The following GRAMD1A variants were observed in gnomAD, a reference collection of about 807,000 sequenced individuals.
GRAMD1A encodes GRAM domain containing 1A.
GRAMD1A carries 50 observed loss-of-function variants against 92.0 expected under a neutral mutation model. The ratio of observed to expected loss-of-function variants is 0.54; its 90% CI spans 0.43 to 0.69. The LOEUF (loss-of-function observed/expected upper bound fraction) is 0.69, where lower values mean the gene tolerates loss of function less well. Ranked by LOEUF, GRAMD1A falls within the 30% of genes least tolerant of loss-of-function variation. The pLI, the probability that GRAMD1A is intolerant of heterozygous loss-of-function variation, is 0.00. For synonymous variants in GRAMD1A, 405 were observed against 403.6 expected (o/e 1.00, Z -0.04); for missense variants, 819 against 978.9 (o/e 0.84, Z 2.18).
Position 35,009,703 on chromosome 19 carries a change from G to C in GRAMD1A, c.241-185G>C, listed in dbSNP as rs75893960. ...GAATGAGTCAGTGATGCTGGTGGGT[G>C]CTTGGTACGGGGCCCGGCTTACATA... On this transcript the variant is annotated intron_variant, in intron 3 of 19. Transcript: ENST00000317991. The C allele has an allele frequency of 9.4e-4, 597 of 636,054 alleles. 11 individuals carry two copies. The African/African-American group carries it at 0.01, about 11-fold the overall frequency. 39.4% of individuals were successfully genotyped at this position (636,054 alleles called of 1,614,324 possible).
intron 19 of GRAMD1A, among the ~76,000 whole-genome samples, chr19:35,025,786 G>T (rs1051788250): frequency 2.0e-5 from 3 of 152,134 alleles, no homozygotes; most frequent in African/African-American, 7.2e-5. Flanking sequence ...CTTGCCTGAG[G>T]TTAACTGAGG....
At position 35,026,373 on chromosome 19, in the gene GRAMD1A, G is replaced by C. The variant is rs1479431389; in HGVS notation, c.*232G>C. The C allele has an allele frequency of 3.5e-6, 2 of 577,954 alleles. No individual in the cohort carries two copies. Among genetic ancestry groups the C allele is most frequent in the East Asian group, 2.8e-5 (1 of 35,486 alleles). The allele number at this position is 577,954 out of a possible 1,614,324, so 35.8% of individuals were successfully genotyped here. A position where few individuals can be genotyped will look rare whatever the true frequency, so the allele number is the denominator to read the frequency against. On this transcript the variant is annotated 3_prime_UTR_variant, in exon 20 of 20. Coordinates refer to ENST00000317991, the MANE Select transcript of GRAMD1A (RefSeq NM_020895.5). ...ACTTATTTTGCCCGGCTGAGGTTGT[G>C]GGGGGCGCCTCCTGGGGTGCACGAT... is the stretch of plus-strand genomic sequence containing the variant.
At position 35,010,168 on chromosome 19, in the gene GRAMD1A, CA is replaced by C; in HGVS notation, c.403del (p.Ser135AlafsTer14). 6.2e-7 allele frequency: 1 copy of C among 1,613,038 alleles called. No individual in the cohort carries two copies. The highest frequency in any genetic ancestry group is 8.5e-7 in the Non-Finnish European group (1 of 1,178,952). ...YLSENWICFY[S>X]NIFRWETTIS... The stretch of plus-strand genomic sequence containing the variant: ...TCTCTGAGAACTGGATCTGCTTCTA[CA>C]GCAACATCTTCCGCTGGGAGACCAC... On this transcript the variant is annotated frameshift_variant, in exon 5 of 20. Coordinates refer to ENST00000317991, the MANE Select transcript of GRAMD1A (RefSeq NM_020895.5). LOFTEE classifies it high-confidence loss of function.
chr19:35,013,420 C>A lies in GRAMD1A; in HGVS notation c.719+52C>A. On this transcript the variant is annotated intron_variant, in intron 8 of 19. Coordinates refer to ENST00000317991, the MANE Select transcript of GRAMD1A (RefSeq NM_020895.5). This position sits in a 1 kb window ranked among gnomAD's most constrained non-coding sequence, Gnocchi z 4.9. The stretch of plus-strand genomic sequence containing the variant: ...AGGGTTCGGGGGAGAACAGGACGGT[C>A]GGCGTGCAGAGTTCCTGGAGTGCTG... 1.3e-6 allele frequency: 2 copies of A among 1,499,724 alleles called. No homozygotes were observed. The highest frequency in any genetic ancestry group is 1.8e-5 in the Admixed American group (1 of 55,940). 92.9% of individuals were successfully genotyped at this position (1,499,724 alleles called of 1,614,324 possible).
chr19:35,017,172 TAA>T (rs199758837), intron 11 of GRAMD1A, among the ~76,000 whole-genome samples: 2,314 of 149,180 alleles, frequency 0.016, 55 homozygotes, highest in African/African-American at 0.053. Flanking sequence ...GAGACTCCAT[TAA>T]AAAAAAAAAT....
upstream of GRAMD1A, chr19:34,998,614 T>G (rs1270113696): frequency 6.6e-6 from 1 of 152,040 alleles, no homozygotes; most frequent in African/African-American, 2.4e-5. Context: ...GAAATAAATA[T>G]TATTTAATTA....
intron 19 of GRAMD1A, 193 bp downstream of exon 19, chr19:35,023,740 G>A (rs1237580056): frequency 8.9e-6 from 5 of 564,132 alleles, no homozygotes; most frequent in Non-Finnish European, 1.5e-5. Flanking sequence ...AGACAGAACT[G>A]ATTGGCTCAC....
intron 16 of GRAMD1A, 119 bp from the exon 17 acceptor site, chr19:35,022,781 C>A: frequency 1.1e-6 from 1 of 945,692 alleles, no homozygotes; most frequent in Non-Finnish European, 1.5e-6. Context: ...CAGCTCTCAT[C>A]CAGTGAGGGG....
upstream of GRAMD1A, among the ~76,000 whole-genome samples, chr19:34,995,570 GGTTTTTTTT>G (rs1287619889): frequency 7.4e-5 from 6 of 80,956 alleles, no homozygotes; most frequent in African/African-American, 2.4e-4. Context: ...TCAGATCACG[GGTTTTTTTT>G]TTTTTTTTTT....
At chr19:35,010,701 A>G (rs1057366541) in intron 6 of GRAMD1A, 1 of 540,348 alleles carries the variant, frequency 1.9e-6, no homozygotes, top group Admixed American at 3.6e-5. Context: ...TTGTGGCCTC[A>G]TGTCCGTTGG....
At chr19:35,018,601 A>C (rs1343484815) in intron 11 of GRAMD1A, among the ~76,000 whole-genome samples, 1 of 152,214 alleles carries the variant, frequency 6.6e-6, no homozygotes, top group Non-Finnish European at 1.5e-5. Context: ...GAAGGGATAG[A>C]GTCAGGCTTG....
At chr19:35,014,599 G>A (rs1259293008) in intron 10 of GRAMD1A, 2 of 592,908 alleles carry the variant, frequency 3.4e-6, no homozygotes, top group Admixed American at 2.9e-5. Flanking sequence ...AGCTTGCCGC[G>A]GTTCACATCC....
At chr19:35,025,521 C>T (rs1183970483) in intron 19 of GRAMD1A, among the ~76,000 whole-genome samples, 4 of 152,140 alleles carry the variant, frequency 2.6e-5, no homozygotes, top group African/African-American at 7.2e-5. Context: ...TGAGATTACA[C>T]GCATGAGGCA....
At chr19:35,014,066 G>T in intron 9 of GRAMD1A, 123 bp from the exon 10 acceptor site, 3 of 902,278 alleles carry the variant, frequency 3.3e-6, no homozygotes. Context: ...TCAGCCGTGA[G>T]CCCTCGGTGC....
intron 13 of GRAMD1A, among the ~76,000 whole-genome samples, chr19:35,020,221 G>A (rs2015950661): frequency 6.6e-6 from 1 of 152,130 alleles, no homozygotes; most frequent in Non-Finnish European, 1.5e-5. Flanking sequence ...CGGAAGCCCT[G>A]TCTCTACAAA....
chr19:35,009,174 C>T lies in GRAMD1A; in HGVS notation c.64C>T (p.Arg22Trp), dbSNP rs774467744. ...AAGCAGCTCCCCATCGCTCCGGAAA[C>T]GGCTGCAGCTCCTGCCCCCAAGCCG... ...TPSSSPSLRK[R>W]LQLLPPSRPP... Residue 22 changes from arginine (R) to tryptophan (W), a missense_variant, in exon 2 of 20, where the codon CGG (arginine) becomes TGG (tryptophan). This residue lies in a region of GRAMD1A where 98 missense variants were observed against 84.0 expected (regional missense o/e 1.17). Transcript: ENST00000317991. 6.2e-6 allele frequency: 10 copies of T among 1,613,996 alleles called. No homozygotes were observed. Among genetic ancestry groups the T allele is most frequent in the South Asian group, 2.2e-5 (2 of 91,082 alleles).
intron 19 of GRAMD1A, chr19:35,025,178 C>T (rs2016343546): frequency 3.3e-5 from 5 of 152,216 alleles, no homozygotes; most frequent in Admixed American, 3.3e-4. Flanking sequence ...TAGATGTAGA[C>T]TGAGCACTTA....
upstream of GRAMD1A, among the ~76,000 whole-genome samples, chr19:34,995,696 G>A (rs760852979): frequency 1.0e-4 from 15 of 147,696 alleles, no homozygotes; most frequent in South Asian, 2.2e-4. Context: ...TGATCCTACC[G>A]CCTCAGCCTC....
chr19:35,011,448 CCTCTCT>C lies in GRAMD1A; in HGVS notation c.526-14_526-9del. ...CTGGTCGCTCCCCAACCTGCTCACACCTCTCTCTCTCTCTCTCCCTGACAGCATTTC... is the reference window on the plus strand; with the variant it reads ...CTGGTCGCTCCCCAACCTGCTCACACCTCTCTCTCTCCCTGACAGCATTTC... On this transcript the variant is annotated intron_variant, in intron 6 of 19. Coordinates refer to ENST00000317991, the MANE Select transcript of GRAMD1A (RefSeq NM_020895.5). 4 of 1,429,212 alleles carry C rather than the reference CCTCTCT, an allele frequency of 2.8e-6. No individual in the cohort carries two copies. Among genetic ancestry groups the C allele is most frequent in the African/African-American group, 1.4e-5 (1 of 70,302 alleles). The allele number at this position is 1,429,212 out of a possible 1,614,324, so 88.5% of individuals were successfully genotyped here. A position where few individuals can be genotyped will look rare whatever the true frequency, so the allele number is the denominator to read the frequency against.
Sources: gnomAD v4.1 joint callset for allele counts (sites outside exome capture counted in the v4.1 genomes callset) on GRCh38, gnomAD v4.1.1 for gene constraint, gnomAD v4.1.1 regional missense constraint, Gnocchi (gnomAD v3.1) non-coding constraint, MANE v1.5 for transcripts, NCBI Gene and HGNC (gene_info 2026-07-23, HGNC 2026-07-21) for gene names.